The following LGI3 variants were observed in gnomAD, a reference collection of about 807,000 sequenced individuals.
LGI3 encodes leucine-rich repeat LGI family member 3.
In LGI3, 47 loss-of-function variants were observed where a neutral mutation model predicts 55.4. That is an observed-to-expected ratio of 0.85 (90% CI 0.67 to 1.08). LGI3 has a LOEUF of 1.08. LGI3 is among the 50% of genes least tolerant of loss of function. The probability of loss-of-function intolerance (pLI) is 0.00; values close to 1 mark genes in which losing one functional copy is unlikely to be tolerated. For missense variants in LGI3, 664 were observed against 726.3 expected, an observed-to-expected ratio of 0.91 and a Z score of 0.99; for synonymous variants, 326 against 315.0, an observed-to-expected ratio of 1.04 and a Z score of -0.37.
Position 22,156,430 on chromosome 8 carries a change from G to A in LGI3, c.113C>T (p.Pro38Leu), listed in dbSNP as rs200873593. The A allele has an allele frequency of 2.5e-6, 4 of 1,582,252 alleles. No homozygotes were observed. Among genetic ancestry groups the A allele is most frequent in the South Asian group, 1.1e-5 (1 of 87,588 alleles). The change falls in exon 1 of 8, where the codon CCC (proline) becomes CTC (leucine). Residue 38 changes from proline (P) to leucine (L), a missense_variant. Pro to Leu is a moderately conservative substitution (Grantham distance 98, BLOSUM62 -3). Transcript: ENST00000306317. ...GGTGCAAGAGCAGCTGGGCGGGCAG[G>A]GGGGCGTCTTGGGGGGCCTCTTAGC... ...VSAKRPPKTP[P>L]CPPSCSCTRD...
At chr8:22,154,462 G>A (rs562189460) in intron 3 of LGI3, 98 bp downstream of exon 3, 1 of 1,074,216 alleles carries the variant, frequency 9.3e-7, no homozygotes, top group African/African-American at 1.6e-5. Context: ...TTCCCTTCCT[G>A]CGGCATTCTC....
rs1827340231 is a variant in LGI3 at position 22,148,772 on chromosome 8, C to T, written c.1035G>A (p.Val345=). The part of the protein sequence containing the change: ...FRIDGDWYFA[V]ADSSKAGATS... ...TGGCGCCTGCCTTGGAGCTGTCAGC[C>T]ACGGCAAAGTACCAGTCACCGTCGA... Residue 345 remains valine (V), a synonymous_variant, in exon 8 of 8, where the codon GTG becomes GTA. Transcript: ENST00000306317. This position sits in a 1 kb window ranked among gnomAD's most constrained non-coding sequence, Gnocchi z 7.0. 1 of 1,614,088 alleles carries T rather than the reference C, an allele frequency of 6.2e-7. No homozygotes were observed. The highest frequency in any genetic ancestry group is 1.3e-5 in the African/African-American group (1 of 74,934).
intron 7 of LGI3, 108 bp from the exon 8 acceptor site, chr8:22,149,085 T>C: frequency 1.4e-6 from 1 of 705,368 alleles, no homozygotes; most frequent in Non-Finnish European, 2.3e-6. Flanking sequence ...GGACTAAGAC[T>C]CTGCGCTATA....
At position 22,153,982 on chromosome 8, in the gene LGI3, G is replaced by C. The variant is rs1827451009; in HGVS notation, c.480C>G (p.Asp160Glu). ...TCAGGCCTTACAAGTCATTCAGGATGTCCAGGGGCCGGAAGATGTCTCTGG... is the reference window on the plus strand; with the variant it reads ...TCAGGCCTTACAAGTCATTCAGGATCTCCAGGGGCCGGAAGATGTCTCTGG... ...TLPRDIFRPL[D>E]ILNDLDLRGN... The change falls in exon 5 of 8, where the codon GAC becomes GAG. Residue 160 changes from aspartate (D) to glutamate (E), a missense_variant. Physicochemically the swap from Asp to Glu is conservative, Grantham distance 45 (BLOSUM62 2). Transcript: ENST00000306317. The C allele has an allele frequency of 6.2e-7, 1 of 1,614,092 alleles. No homozygotes were observed. Among genetic ancestry groups the C allele is most frequent in the African/African-American group, 1.3e-5 (1 of 75,064 alleles).
chr8:22,151,467 G>C, intron 7 of LGI3, 22 bp downstream of exon 7: 1 of 1,611,912 alleles, frequency 6.2e-7, no homozygotes, highest in Non-Finnish European at 8.5e-7. Context: ...AGGGCCAGCA[G>C]AACCAGATTG....
intron 7 of LGI3, among the ~76,000 whole-genome samples, chr8:22,150,782 A>G (rs1443929571): frequency 6.6e-6 from 1 of 151,604 alleles, no homozygotes; most frequent in Non-Finnish European, 1.5e-5. Context: ...GTATGGCCCC[A>G]CACCTAGCCT....
chr8:22,150,959 C>A (rs1827369968), intron 7 of LGI3, among the ~76,000 whole-genome samples: 1 of 152,064 alleles, frequency 6.6e-6, no homozygotes, highest in Admixed American at 6.6e-5. Context: ...CACTCACATA[C>A]TAAGTTACTG....
rs1827470041 is a variant in LGI3 at position 22,155,115 on chromosome 8, C to G, written c.278+277G>C. ...TGGGCACTAGCCCAGGCTATCGCAC[C>G]CAATTCTCTGGGGTTTCCAGAGCAG... On this transcript the variant is annotated intron_variant, in intron 2 of 7. Transcript: ENST00000306317. The G allele has an allele frequency of 5.9e-6, 3 of 512,060 alleles. No homozygotes were observed. The East Asian group carries it at 1.0e-4, about 18-fold the overall frequency. 31.7% of individuals were successfully genotyped at this position (512,060 alleles called of 1,614,324 possible). A position where few individuals can be genotyped will look rare whatever the true frequency, so the allele number is the denominator to read the frequency against.
At position 22,153,950 on chromosome 8, in the gene LGI3, G is replaced by A. The variant is rs1350593936; in HGVS notation, c.494+18C>T. Reference sequence around the variant, plus strand: ...GCCCTCTGCGGCACTGTTGGAAGAGGCAGGACTCAGGCCTTACAAGTCATT... The same window carrying A: ...GCCCTCTGCGGCACTGTTGGAAGAGACAGGACTCAGGCCTTACAAGTCATT... On this transcript the variant is annotated intron_variant, in intron 5 of 7. Coordinates refer to ENST00000306317, the MANE Select transcript of LGI3 (RefSeq NM_139278.4). 1 of 1,612,104 alleles carries A rather than the reference G, an allele frequency of 6.2e-7. No individual in the cohort carries two copies. The highest frequency in any genetic ancestry group is 1.3e-5 in the African/African-American group (1 of 74,892).
At position 22,148,751 on chromosome 8, in the gene LGI3, G is replaced by T; in HGVS notation, c.1056C>A (p.Gly352=). Residue 352 remains glycine, a synonymous_variant, in exon 8 of 8, where the codon GGC becomes GGA. Transcript: ENST00000306317. The surrounding 1 kb of genome is among the most constrained non-coding windows in gnomAD (Gnocchi z 7.0). The part of the protein sequence containing the change: ...YFAVADSSKA[G]ATSLYRWHQN... Reference sequence around the variant, plus strand: ...GGTGCCAGCGGTAGAGGCTGGTGGCGCCTGCCTTGGAGCTGTCAGCCACGG... The same window carrying T: ...GGTGCCAGCGGTAGAGGCTGGTGGCTCCTGCCTTGGAGCTGTCAGCCACGG... 1 of 1,614,092 alleles carries T rather than the reference G, an allele frequency of 6.2e-7. No individual in the cohort carries two copies. The highest frequency in any genetic ancestry group is 1.1e-5 in the South Asian group (1 of 91,086).
Position 22,148,123 on chromosome 8 carries a change from G to A in LGI3, c.*37C>T, listed in dbSNP as rs376015005. Reference sequence around the variant, plus strand: ...CACAGAGGCCCCCACCCATCCTCCAGTGGCCACCCTGAGGAGACCAGAGGC... The same window carrying A: ...CACAGAGGCCCCCACCCATCCTCCAATGGCCACCCTGAGGAGACCAGAGGC... On this transcript the variant is annotated 3_prime_UTR_variant, in exon 8 of 8. Transcript: ENST00000306317. This position sits in a 1 kb window ranked among gnomAD's most constrained non-coding sequence, Gnocchi z 7.0. The A allele has an allele frequency of 6.6e-7, 1 of 1,517,602 alleles. No homozygotes were observed. Among genetic ancestry groups the A allele is most frequent in the Non-Finnish European group, 8.8e-7 (1 of 1,131,602 alleles). The allele number at this position is 1,517,602 out of a possible 1,614,324, so 94.0% of individuals were successfully genotyped here.
In LGI3 at chr8:22,147,098, G is replaced by A. The variant is rs919746068; in HGVS notation, c.*1062C>T. On this transcript the variant is annotated 3_prime_UTR_variant, in exon 8 of 8. Transcript: ENST00000306317. ...GGGCTGCAACACGCCCTCAGGCCAA[G>A]CTCCACTCTGGGCACCCTCGCAGGT... 2 of 152,310 alleles carry A rather than the reference G, an allele frequency of 1.3e-5. No individual in the cohort carries two copies. The highest frequency in any genetic ancestry group is 4.8e-5 in the African/African-American group (2 of 41,462). 9.4% of individuals were successfully genotyped at this position (152,310 alleles called of 1,614,324 possible). A position where few individuals can be genotyped will look rare whatever the true frequency, so the allele number is the denominator to read the frequency against.
At position 22,156,430 on chromosome 8, in the gene LGI3, G is replaced by C. The variant is rs200873593; in HGVS notation, c.113C>G (p.Pro38Arg). 328 of 1,582,370 alleles carry C rather than the reference G, an allele frequency of 2.1e-4. 1 individual carries two copies. Among genetic ancestry groups the C allele is most frequent in the Non-Finnish European group, 6.8e-5 (79 of 1,166,766 alleles). The change falls in exon 1 of 8, where the codon CCC (proline) becomes CGC (arginine). Residue 38 changes from proline to arginine, a missense_variant. Coordinates refer to ENST00000306317, the MANE Select transcript of LGI3 (RefSeq NM_139278.4). Reference sequence around the variant, plus strand: ...GGTGCAAGAGCAGCTGGGCGGGCAGGGGGGCGTCTTGGGGGGCCTCTTAGC... The same window carrying C: ...GGTGCAAGAGCAGCTGGGCGGGCAGCGGGGCGTCTTGGGGGGCCTCTTAGC... ...VSAKRPPKTP[P>R]CPPSCSCTRD...
At chr8:22,156,073 C>T (rs1169100578) in intron 1 of LGI3, among the ~76,000 whole-genome samples, 1 of 152,238 alleles carries the variant, frequency 6.6e-6, no homozygotes, top group Non-Finnish European at 1.5e-5. Context: ...GCACAGCACA[C>T]AGTAGGTCTC....
chr8:22,155,350 C>T (rs748812944), intron 2 of LGI3, 42 bp downstream of exon 2: 2 of 1,587,142 alleles, frequency 1.3e-6, no homozygotes, highest in Non-Finnish European at 1.7e-6. Context: ...CCTGCTACCA[C>T]CCCATAGTTC....
At position 22,147,905 on chromosome 8, in the gene LGI3, G is replaced by T; in HGVS notation, c.*255C>A. The stretch of plus-strand genomic sequence containing the variant: ...CATGGGAAAGGCTGCAGAGTAGGGG[G>T]GGCCTGCAGTTGGGGTCACGGGAAC... On this transcript the variant is annotated 3_prime_UTR_variant, in exon 8 of 8. Transcript: ENST00000306317. 2.0e-6 allele frequency: 1 copy of T among 489,836 alleles called. No individual in the cohort carries two copies. Among genetic ancestry groups the T allele is most frequent in the South Asian group, 2.7e-5 (1 of 36,720 alleles). The allele number at this position is 489,836 out of a possible 1,614,324, so 30.3% of individuals were successfully genotyped here. A position where few individuals can be genotyped will look rare whatever the true frequency, so the allele number is the denominator to read the frequency against.
Position 22,147,862 on chromosome 8 carries a change from A to AT in LGI3, c.*297dup. 2 of 376,560 alleles carry AT rather than the reference A, an allele frequency of 5.3e-6. No individual in the cohort carries two copies. Among genetic ancestry groups the AT allele is most frequent in the East Asian group, 1.0e-4 (2 of 19,840 alleles). 23.3% of individuals were successfully genotyped at this position (376,560 alleles called of 1,614,324 possible). A position where few individuals can be genotyped will look rare whatever the true frequency, so the allele number is the denominator to read the frequency against. ...TCCCAGCACCCCGCACCACTCGTGCATGAGACAGGGGGCAGAGCATGGGAA... is the reference window on the plus strand; with the variant it reads ...TCCCAGCACCCCGCACCACTCGTGCATTGAGACAGGGGGCAGAGCATGGGAA... On this transcript the variant is annotated 3_prime_UTR_variant, in exon 8 of 8. Transcript: ENST00000306317.
rs1827338649 is a variant in LGI3 at position 22,148,683 on chromosome 8, C to T, written c.1124G>A (p.Arg375His). The T allele has an allele frequency of 3.1e-6, 5 of 1,614,070 alleles. No homozygotes were observed. Among genetic ancestry groups the T allele is most frequent in the East Asian group, 4.5e-5 (2 of 44,876 alleles). Residue 375 changes from arginine (R) to histidine (H), a missense_variant, in exon 8 of 8, where the codon CGT becomes CAT. Transcript: ENST00000306317. The surrounding 1 kb of genome is among the most constrained non-coding windows in gnomAD (Gnocchi z 7.0). Reference protein sequence around the residue: ...YSHQALHPWHRDTDLEFVDGE... With the variant: ...YSHQALHPWHHDTDLEFVDGE... Reference sequence around the variant, plus strand: ...GTCCACAAACTCCAGGTCGGTGTCACGGTGCCAGGGGTGCAGTGCCTGGTG... The same window carrying T: ...GTCCACAAACTCCAGGTCGGTGTCATGGTGCCAGGGGTGCAGTGCCTGGTG...
intron 5 of LGI3, 46 bp from the exon 6 acceptor site, chr8:22,152,046 C>G: frequency 6.7e-7 from 1 of 1,499,228 alleles, no homozygotes; most frequent in South Asian, 1.3e-5. Flanking sequence ...AAGACATGCT[C>G]TCAGGGCTCT....
Sources: gnomAD v4.1 joint callset for allele counts (sites outside exome capture counted in the v4.1 genomes callset) on GRCh38, gnomAD v4.1.1 for gene constraint, Gnocchi (gnomAD v3.1) non-coding constraint, MANE v1.5 for transcripts, NCBI Gene and HGNC (gene_info 2026-07-23, HGNC 2026-07-21) for gene names.